GNA12: variants seen among roughly 807,000 people sequenced by gnomAD.
GNA12 encodes G protein subunit alpha 12.
Under a neutral mutation model 26.0 loss-of-function variants are expected in GNA12, and 9 were observed. That is an observed-to-expected ratio of 0.35 (90% CI 0.21 to 0.60). The LOEUF is 0.60. Ranked by LOEUF, GNA12 falls within the 20% of genes least tolerant of loss-of-function variation. GNA12 has a pLI of 0.78. For missense variants in GNA12, 405 were observed against 525.8 expected (o/e 0.77, Z 2.25); for synonymous variants, 264 against 219.6 (o/e 1.20, Z -1.79).
At chr7:2,835,821 G>A in intron 1 of GNA12, 1 of 652,310 alleles carries the variant, frequency 1.5e-6, no homozygotes, top group South Asian at 1.5e-5. Context: ...GCTTAATGAT[G>A]CCTTATCAAA....
intron 2 of GNA12, among the ~76,000 whole-genome samples, chr7:2,786,873 C>A (rs76429587): frequency 6.6e-6 from 1 of 152,118 alleles, no homozygotes; most frequent in Non-Finnish European, 1.5e-5. Flanking sequence ...TGGGTGATGG[C>A]CTTCATGGGG....
intron 2 of GNA12, among the ~76,000 whole-genome samples, chr7:2,740,411 G>C (rs1435804954): frequency 6.6e-6 from 1 of 152,132 alleles, no homozygotes; most frequent in Non-Finnish European, 1.5e-5. Flanking sequence ...TGAGGCACCA[G>C]GACACAGTGA....
intron 2 of GNA12, among the ~76,000 whole-genome samples, chr7:2,754,509 A>T (rs1268700893): frequency 1.3e-5 from 2 of 151,966 alleles, no homozygotes; most frequent in Non-Finnish European, 2.9e-5. Context: ...TTGGGAGGCC[A>T]GGGCAGGAAG....
chr7:2,844,290 CCG>C lies in GNA12; in HGVS notation c.-131_-130del. 1 of 317,016 alleles carries C rather than the reference CCG, an allele frequency of 3.2e-6. No homozygotes were observed. The highest frequency in any genetic ancestry group is 4.5e-6 in the Non-Finnish European group (1 of 220,326). The allele number at this position is 317,016 out of a possible 1,614,324, so 19.6% of individuals were successfully genotyped here. A position where few individuals can be genotyped will look rare whatever the true frequency, so the allele number is the denominator to read the frequency against. On this transcript the variant is annotated 5_prime_UTR_variant, in exon 1 of 4. Coordinates refer to ENST00000275364, the MANE Select transcript of GNA12 (RefSeq NM_007353.3). ...TCGCCTCAGGCCGCGTCCGCCGCCG[CCG>C]CTGCAGTCGCTCCGAGGCCCGCACT...
intron 2 of GNA12, among the ~76,000 whole-genome samples, chr7:2,769,120 T>C (rs1394313523): frequency 6.6e-6 from 1 of 152,076 alleles, no homozygotes; most frequent in Non-Finnish European, 1.5e-5. Context: ...GCCAGGCTGG[T>C]CTCGAACTCC....
rs956876526 is a variant in GNA12 at position 2,731,062 on chromosome 7, T to G, written c.*119A>C. The G allele has an allele frequency of 1.5e-6, 1 of 655,250 alleles. No homozygotes were observed. 40.6% of individuals were successfully genotyped at this position (655,250 alleles called of 1,614,324 possible). ...GGTCTGACAGCATTCCTGAGCCAGGTATTCCAGGGCACGGATCCGAGAAAC... is the reference window on the plus strand; with the variant it reads ...GGTCTGACAGCATTCCTGAGCCAGGGATTCCAGGGCACGGATCCGAGAAAC... On this transcript the variant is annotated 3_prime_UTR_variant, in exon 4 of 4. Transcript: ENST00000275364. The surrounding 1 kb of genome is among the most constrained non-coding windows in gnomAD (Gnocchi z 6.0).
intron 2 of GNA12, among the ~76,000 whole-genome samples, chr7:2,781,162 T>G (rs1293512867): frequency 6.6e-6 from 1 of 152,230 alleles, no homozygotes; most frequent in Non-Finnish European, 1.5e-5. Flanking sequence ...AGATAGCAAA[T>G]GACTTCACTG....
In GNA12 at chr7:2,833,775, T is replaced by G. The variant is rs186777260; in HGVS notation, c.309+10078A>C. ...GACCCCAGAAGCAGATGTATGCTTC[T>G]GCCGCCACGCAAACCCGCCGCAGCA... On this transcript the variant is annotated intron_variant, in intron 1 of 3. Transcript: ENST00000275364. Among the ~76,000 whole-genome samples the G allele has an allele frequency of 2.8e-3, 429 of 152,250 alleles. 2 individuals are homozygous for G. The highest frequency in any genetic ancestry group is 0.01 in the Middle Eastern group (3 of 294).
intron 1 of GNA12, among the ~76,000 whole-genome samples, chr7:2,826,110 G>T (rs1270516896): frequency 1.3e-5 from 2 of 152,052 alleles, no homozygotes; most frequent in Non-Finnish European, 2.9e-5. Flanking sequence ...CGGGGGCGGT[G>T]GCTCACACCT....
At chr7:2,827,444 G>A (rs950541412) in intron 1 of GNA12, among the ~76,000 whole-genome samples, 12 of 152,196 alleles carry the variant, frequency 7.9e-5, no homozygotes, top group Non-Finnish European at 1.2e-4. Flanking sequence ...TTGTATTAAC[G>A]AAACTTCAGC....
At chr7:2,750,925 C>G (rs7791837) in intron 2 of GNA12, among the ~76,000 whole-genome samples, 1 of 152,030 alleles carries the variant, frequency 6.6e-6, no homozygotes, top group Non-Finnish European at 1.5e-5. Flanking sequence ...GGAACAGAAG[C>G]GAGAGATATG....
chr7:2,759,743 G>C (rs968398105), intron 2 of GNA12, among the ~76,000 whole-genome samples: 1 of 152,158 alleles, frequency 6.6e-6, no homozygotes, highest in Non-Finnish European at 1.5e-5. Context: ...ATTTTAAAAA[G>C]AGCAAAAGAG....
intron 1 of GNA12, among the ~76,000 whole-genome samples, chr7:2,826,392 A>C (rs1447441275): frequency 3.3e-5 from 5 of 151,752 alleles, no homozygotes; most frequent in African/African-American, 9.7e-5. Flanking sequence ...AAAAAAAAAA[A>C]AAACCAACAA....
At chr7:2,814,653 G>A (rs1392059288) in intron 1 of GNA12, among the ~76,000 whole-genome samples, 3 of 111,598 alleles carry the variant, frequency 2.7e-5, no homozygotes, top group Non-Finnish European at 3.6e-5. Context: ...TTTTTTTTTC[G>A]TGGCATAGAA....
intron 2 of GNA12, among the ~76,000 whole-genome samples, chr7:2,743,339 A>C (rs550715682): frequency 6.6e-6 from 1 of 152,358 alleles, no homozygotes; most frequent in East Asian, 1.9e-4. Context: ...TTAAGTCTTA[A>C]AACGACATCC....
At chr7:2,809,625 G>A (rs1793031646) in intron 1 of GNA12, among the ~76,000 whole-genome samples, 1 of 152,070 alleles carries the variant, frequency 6.6e-6, no homozygotes, top group Non-Finnish European at 1.5e-5. Context: ...CACCGCCTTT[G>A]GGGTAGCCCT....
chr7:2,765,581 C>A (rs1466316914), intron 2 of GNA12, among the ~76,000 whole-genome samples: 1 of 151,700 alleles, frequency 6.6e-6, no homozygotes, highest in Admixed American at 6.6e-5. Flanking sequence ...AGAAAACCAG[C>A]AAGACGAGGT....
intron 2 of GNA12, chr7:2,762,513 G>C: frequency 1.0e-6 from 1 of 981,476 alleles, no homozygotes; most frequent in South Asian, 2.0e-5. Context: ...CCTAACTGTG[G>C]ACTACAAAAG....
At chr7:2,818,394 A>T (rs963908870) in intron 1 of GNA12, among the ~76,000 whole-genome samples, 2 of 152,222 alleles carry the variant, frequency 1.3e-5, no homozygotes, top group African/African-American at 2.4e-5. Context: ...TGGGGAGCAT[A>T]GTCTCTCCAA....
Sources: allele counts gnomAD v4.1 joint callset (sites outside exome capture counted in the v4.1 genomes callset), GRCh38; gene constraint gnomAD v4.1.1; non-coding constraint Gnocchi (gnomAD v3.1); transcripts MANE v1.5; gene names NCBI Gene and HGNC (gene_info 2026-07-23, HGNC 2026-07-21).